Variants in SETBP1 observed in about 807,000 individuals in gnomAD.
The protein encoded by SETBP1 is SET-binding protein.
SETBP1 carries 9 observed loss-of-function variants against 101.0 expected under a neutral mutation model. The observed-to-expected ratio is 0.09, with a 90% confidence interval of 0.05 to 0.16. The LOEUF (loss-of-function observed/expected upper bound fraction) is 0.16. Ranked by LOEUF, SETBP1 falls within the 10% of genes least tolerant of loss-of-function variation. The pLI is 1.00. For synonymous variants in SETBP1, 818 were observed against 788.5 expected (o/e 1.04, Z -0.63); for missense variants, 1,858 against 2,033.8 (o/e 0.91, Z 1.66).
chr18:44,940,882 A>G (rs1599352775), intron 3 of SETBP1, among the ~76,000 whole-genome samples: 1 of 152,246 alleles, frequency 6.6e-6, no homozygotes, highest in East Asian at 1.9e-4. Flanking sequence ...ACTTTCTTTT[A>G]CATATCTTGT....
At position 44,701,466 on chromosome 18, in the gene SETBP1, C is replaced by T; in HGVS notation, c.120C>T (p.Ser40=). The T allele has an allele frequency of 1.9e-6, 3 of 1,613,456 alleles. No individual in the cohort carries two copies. The South Asian group carries it at 3.3e-5, about 18-fold the overall frequency. Reference sequence around the variant, plus strand: ...GCTGTGCAGGAGAACCTTTGCTCTCCACTCCAGGACCTGGGAAGGGGATCC... The same window carrying T: ...GCTGTGCAGGAGAACCTTTGCTCTCTACTCCAGGACCTGGGAAGGGGATCC... ...APGCAGEPLL[S]TPGPGKGIPV... Residue 40 remains serine (S), a synonymous_variant, in exon 2 of 6, where the codon TCC becomes TCT. Coordinates refer to ENST00000649279, the MANE Select transcript of SETBP1 (RefSeq NM_015559.3).
At chr18:44,949,433 C>T (rs2071283903) in intron 3 of SETBP1, among the ~76,000 whole-genome samples, 1 of 152,188 alleles carries the variant, frequency 6.6e-6, no homozygotes, top group African/African-American at 2.4e-5. Flanking sequence ...GGTGAAAGAA[C>T]ACTGGGAGTC....
intron 4 of SETBP1, among the ~76,000 whole-genome samples, chr18:44,989,995 C>T (rs1260819547): frequency 6.7e-6 from 1 of 149,434 alleles, no homozygotes; most frequent in Non-Finnish European, 1.5e-5. Context: ...AGGTTTTTAG[C>T]CAACATCTCA....
intron 2 of SETBP1, among the ~76,000 whole-genome samples, chr18:44,749,898 A>G (rs936149914): frequency 6.6e-5 from 10 of 151,820 alleles, no homozygotes; most frequent in Admixed American, 6.6e-5. Context: ...GAAGCATCCA[A>G]TGAGTGGTAC....
At chr18:44,731,342 C>T (rs2069833607) in intron 2 of SETBP1, among the ~76,000 whole-genome samples, 1 of 152,152 alleles carries the variant, frequency 6.6e-6, no homozygotes, top group South Asian at 2.1e-4. Context: ...TTCCACATGG[C>T]CACAGGCGGG....
intron 2 of SETBP1, among the ~76,000 whole-genome samples, chr18:44,809,828 G>T (rs2071822641): frequency 6.6e-6 from 1 of 152,158 alleles, no homozygotes; most frequent in South Asian, 2.1e-4. Flanking sequence ...GACAATAAGA[G>T]GTTAGGAAGA....
intron 2 of SETBP1, among the ~76,000 whole-genome samples, chr18:44,780,716 T>A (rs2071110506): frequency 6.6e-6 from 1 of 152,204 alleles, no homozygotes; most frequent in South Asian, 2.1e-4. Context: ...GCCCTCATAG[T>A]TATGGTCTAC....
At chr18:44,946,742 G>A (rs1198499802) in intron 3 of SETBP1, among the ~76,000 whole-genome samples, 1 of 152,110 alleles carries the variant, frequency 6.6e-6, no homozygotes, top group Non-Finnish European at 1.5e-5. Flanking sequence ...TTTGTAGTAG[G>A]CCTTAGGGAT....
At chr18:44,878,469 C>T (rs16978216) in intron 3 of SETBP1, among the ~76,000 whole-genome samples, 14,221 of 152,026 alleles carry the variant, frequency 0.094, 751 homozygotes, top group East Asian at 0.15. Flanking sequence ...GTGTTTATTA[C>T]TAGATTTAGT....
At chr18:44,707,951 C>CT (rs762118957) in intron 2 of SETBP1, among the ~76,000 whole-genome samples, 5 of 152,136 alleles carry the variant, frequency 3.3e-5, no homozygotes, top group Non-Finnish European at 7.3e-5. Flanking sequence ...AGAGATTGGT[C>CT]TAGGGTTCTT....
chr18:45,005,945 CTTTT>C (rs1032603185), intron 4 of SETBP1, among the ~76,000 whole-genome samples: 1 of 103,156 alleles, frequency 9.7e-6, no homozygotes, highest in Non-Finnish European at 1.9e-5. Context: ...TGCACCCGGC[CTTTT>C]TTTTTTTTTT....
intron 3 of SETBP1, among the ~76,000 whole-genome samples, chr18:44,905,825 T>C (rs2070162843): frequency 6.6e-6 from 1 of 152,152 alleles, no homozygotes; most frequent in Non-Finnish European, 1.5e-5. Context: ...GGGAGAACTG[T>C]CAGAGGAGTT....
At chr18:44,693,696 T>C (rs535079307) in intron 1 of SETBP1, among the ~76,000 whole-genome samples, 13 of 152,310 alleles carry the variant, frequency 8.5e-5, no homozygotes, top group South Asian at 6.2e-4. Context: ...CTTATAACTA[T>C]AGGCCAATGA....
At chr18:45,016,567 T>C (rs901580384) in intron 4 of SETBP1, among the ~76,000 whole-genome samples, 2 of 152,136 alleles carry the variant, frequency 1.3e-5, no homozygotes, top group Non-Finnish European at 2.9e-5. Flanking sequence ...AGGAATATGA[T>C]TCACACGTTT....
intron 4 of SETBP1, among the ~76,000 whole-genome samples, chr18:45,008,263 G>A (rs141898712): frequency 3.7e-4 from 56 of 152,242 alleles, no homozygotes; most frequent in African/African-American, 1.3e-3. Context: ...TAAGTATAAA[G>A]TCTCAGTGAT....
chr18:44,781,376 C>A (rs867942599), intron 2 of SETBP1, among the ~76,000 whole-genome samples: 2 of 151,934 alleles, frequency 1.3e-5, no homozygotes, highest in African/African-American at 4.8e-5. Flanking sequence ...GCATAACTCC[C>A]ACCATGATAT....
rs551514146 is a variant in SETBP1, at chr18:44,795,821, TA to T, written c.487-73408del. 5.3e-3 allele frequency among the ~76,000 whole-genome samples: 805 copies of T among 152,292 alleles called. 4 individuals carry two copies. The highest frequency in any genetic ancestry group is 8.8e-3 in the Admixed American group (135 of 15,296). On this transcript the variant is annotated intron_variant, in intron 2 of 5. Coordinates refer to ENST00000649279, the MANE Select transcript of SETBP1 (RefSeq NM_015559.3). ...CATAAGCTCTTCTCTCTCTAATTGT[TA>T]GAGAGTAACACAGAGATATTGTCAG...
intron 1 of SETBP1, among the ~76,000 whole-genome samples, chr18:44,684,321 GA>G (rs2068802829): frequency 6.6e-6 from 1 of 152,212 alleles, no homozygotes; most frequent in Non-Finnish European, 1.5e-5. Context: ...GTGCAGGAAA[GA>G]AAACACCAGG....
intron 2 of SETBP1, among the ~76,000 whole-genome samples, chr18:44,780,450 A>G (rs571656786): frequency 1.3e-5 from 2 of 152,278 alleles, no homozygotes; most frequent in South Asian, 4.1e-4. Context: ...ATTTGTTTCC[A>G]TTGAAGGGGT....
Sources: gnomAD v4.1 joint callset for allele counts (sites outside exome capture counted in the v4.1 genomes callset) on GRCh38, gnomAD v4.1.1 for gene constraint, MANE v1.5 for transcripts, NCBI Gene and HGNC (gene_info 2026-07-23, HGNC 2026-07-21) for gene names.